The following ITPR1 variants were observed in gnomAD, a reference collection of about 807,000 sequenced individuals.
The protein encoded by ITPR1 is inositol 1,4,5-trisphosphate-gated calcium channel ITPR1.
ITPR1 carries 96 observed loss-of-function variants against 318.4 expected under a neutral mutation model. The observed-to-expected ratio is 0.30, with a 90% CI of 0.26 to 0.36. The LOEUF (loss-of-function observed/expected upper bound fraction) is 0.36. Ranked by LOEUF, ITPR1 falls within the 10% of genes least tolerant of loss-of-function variation. The probability of loss-of-function intolerance (pLI) is 1.00; values close to 1 mark genes in which losing one functional copy is unlikely to be tolerated. For synonymous variants in ITPR1, 1,312 were observed against 1,289.9 expected (o/e 1.02, Z -0.37); for missense variants, 2,440 against 3,460.2 (o/e 0.71, Z 7.40).
chr3:4,834,581 G>C lies in ITPR1; in HGVS notation c.8029-2193G>C, dbSNP rs113563641. ...TGATCACCAGTGACCTGTCGCCTAT[G>C]TGTGCCCTCTTCTGAAAAATGAGGT... On this transcript the variant is annotated intron_variant, in intron 60 of 61. Transcript: ENST00000649015. Among the ~76,000 whole-genome samples the C allele has an allele frequency of 9.8e-3, 1,499 of 152,272 alleles. 30 individuals are homozygous for C. The highest frequency in any genetic ancestry group is 0.034 in the African/African-American group (1,411 of 41,554).
chr3:4,632,314 A>C (rs1164097196), intron 5 of ITPR1, among the ~76,000 whole-genome samples: 1 of 152,208 alleles, frequency 6.6e-6, no homozygotes, highest in Non-Finnish European at 1.5e-5. Context: ...GTGAGATCTT[A>C]TTAATACATC....
rs151336916 is a variant in ITPR1, at chr3:4,561,227, T to C, written c.163+40133T>C. Among the ~76,000 whole-genome samples, 93 of 152,332 alleles carry C rather than the reference T, an allele frequency of 6.1e-4. No homozygotes were observed. The East Asian group carries it at 0.014, about 23-fold the overall frequency. On this transcript the variant is annotated intron_variant, in intron 4 of 61. Coordinates refer to ENST00000649015, the MANE Select transcript of ITPR1 (RefSeq NM_001378452.1). ...GCCTAGTAGCTGATTCTTTCTGGAATTGATAATGACGAGAGTGAAATTCTA... is the reference window on the plus strand; with the variant it reads ...GCCTAGTAGCTGATTCTTTCTGGAACTGATAATGACGAGAGTGAAATTCTA...
At chr3:4,752,399 G>T (rs1452617184) in intron 44 of ITPR1, among the ~76,000 whole-genome samples, 1 of 152,112 alleles carries the variant, frequency 6.6e-6, no homozygotes, top group Admixed American at 6.5e-5. Context: ...CAGTTAACTC[G>T]ATGGATTAAG....
At chr3:4,842,170 T>C (rs2051393947) in intron 61 of ITPR1, among the ~76,000 whole-genome samples, 1 of 152,268 alleles carries the variant, frequency 6.6e-6, no homozygotes, top group African/African-American at 2.4e-5. Context: ...GCCTCGTGTT[T>C]TCATGAACAG....
chr3:4,713,253 A>C (rs1163469613), intron 39 of ITPR1, among the ~76,000 whole-genome samples: 1 of 152,236 alleles, frequency 6.6e-6, no homozygotes, highest in Non-Finnish European at 1.5e-5. Flanking sequence ...AAAAAGGTTA[A>C]ATCCACCAAA....
At chr3:4,672,845 A>G (rs923674644) in intron 20 of ITPR1, among the ~76,000 whole-genome samples, 1 of 152,238 alleles carries the variant, frequency 6.6e-6, no homozygotes, top group African/African-American at 2.4e-5. Context: ...AAAAGTAAAC[A>G]TTAAGGACCT....
At chr3:4,515,618 G>A (rs1178753103) in intron 2 of ITPR1, among the ~76,000 whole-genome samples, 1 of 152,152 alleles carries the variant, frequency 6.6e-6, no homozygotes, top group Non-Finnish European at 1.5e-5. Flanking sequence ...TGGCCCTGAT[G>A]AAAGCTGTTT....
chr3:4,784,333 G>A (rs960817680), intron 51 of ITPR1, among the ~76,000 whole-genome samples: 9 of 152,112 alleles, frequency 5.9e-5, no homozygotes, highest in Admixed American at 3.3e-4. Flanking sequence ...AACAGCAAGC[G>A]AAAGCCCAGA....
chr3:4,720,558 C>T (rs977766088), intron 40 of ITPR1, among the ~76,000 whole-genome samples: 1 of 152,128 alleles, frequency 6.6e-6, no homozygotes, highest in Non-Finnish European at 1.5e-5. Flanking sequence ...GTTCAGTGGA[C>T]GTGTCTGTTT....
intron 4 of ITPR1, among the ~76,000 whole-genome samples, chr3:4,612,017 T>TA (rs2092151411): frequency 6.7e-6 from 1 of 148,754 alleles, no homozygotes. Flanking sequence ...ATACAACAAT[T>TA]AAAAATAATA....
At chr3:4,815,248 G>A in intron 59 of ITPR1, 30 bp downstream of exon 59, 5 of 1,611,054 alleles carry the variant, frequency 3.1e-6, no homozygotes, top group Non-Finnish European at 4.2e-6. Flanking sequence ...TCCAGCAAGG[G>A]CGTGAAGGCC....
In ITPR1 at chr3:4,710,229, C is replaced by T. The variant is rs989278025; in HGVS notation, c.4843-96C>T. 4 of 1,187,752 alleles carry T rather than the reference C, an allele frequency of 3.4e-6. No homozygotes were observed. Among genetic ancestry groups the T allele is most frequent in the Middle Eastern group, 3.0e-4 (1 of 3,286 alleles). The allele number at this position is 1,187,752 out of a possible 1,614,324, so 73.6% of individuals were successfully genotyped here. A position where few individuals can be genotyped will look rare whatever the true frequency, so the allele number is the denominator to read the frequency against. The stretch of plus-strand genomic sequence containing the variant: ...CTAAAGTTACTCTAACCTAGCCTAC[C>T]CGTGCATCAGTGTTTTAGGGCAGAA... On this transcript the variant is annotated intron_variant, in intron 37 of 61. Coordinates refer to ENST00000649015, the MANE Select transcript of ITPR1 (RefSeq NM_001378452.1). The surrounding 1 kb of genome is among the most constrained non-coding windows in gnomAD (Gnocchi z 4.2).
chr3:4,618,686 C>T (rs1310633777), intron 4 of ITPR1, among the ~76,000 whole-genome samples: 4 of 152,194 alleles, frequency 2.6e-5, no homozygotes, highest in African/African-American at 4.8e-5. Context: ...CCGGATCCAT[C>T]GGATGATCTG....
At chr3:4,739,403 G>A (rs1490756797) in intron 44 of ITPR1, among the ~76,000 whole-genome samples, 1 of 152,198 alleles carries the variant, frequency 6.6e-6, no homozygotes, top group African/African-American at 2.4e-5. Context: ...CCTGATGACA[G>A]GTGGTAGAAA....
chr3:4,572,276 T>C (rs1280065248), intron 4 of ITPR1, among the ~76,000 whole-genome samples: 3 of 152,210 alleles, frequency 2.0e-5, no homozygotes, highest in Non-Finnish European at 4.4e-5. Flanking sequence ...TACACCCACA[T>C]AGACCACTTG....
chr3:4,783,954 T>G, intron 51 of ITPR1, 34 bp downstream of exon 51: 152 of 1,459,952 alleles, frequency 1.0e-4, no homozygotes, highest in Non-Finnish European at 1.3e-4. Context: ...CATGGGGTTG[T>G]GTTGAGGCCA....
intron 60 of ITPR1, among the ~76,000 whole-genome samples, chr3:4,832,727 A>G (rs1361866701): frequency 1.3e-5 from 2 of 152,244 alleles, no homozygotes; most frequent in South Asian, 2.1e-4. Context: ...TAAAATGGAT[A>G]TTGTACATTC....
intron 4 of ITPR1, among the ~76,000 whole-genome samples, chr3:4,526,028 G>A (rs573451643): frequency 6.6e-6 from 1 of 152,174 alleles, no homozygotes; most frequent in Non-Finnish European, 1.5e-5. Context: ...CTTTAGTGTT[G>A]ATCATGCCAT....
At chr3:4,652,034 C>T in intron 10 of ITPR1, 89 bp from the exon 11 acceptor site, 1 of 999,118 alleles carries the variant, frequency 1.0e-6, no homozygotes, top group Non-Finnish European at 1.6e-6. Flanking sequence ...ATAAACATCC[C>T]TCCTGAACTA....
Sources: gnomAD v4.1 joint callset for allele counts (sites outside exome capture counted in the v4.1 genomes callset) on GRCh38, gnomAD v4.1.1 for gene constraint, Gnocchi (gnomAD v3.1) non-coding constraint, MANE v1.5 for transcripts, NCBI Gene and HGNC (gene_info 2026-07-23, HGNC 2026-07-21) for gene names.